Variants in ARMH4 observed in about 807,000 individuals in gnomAD.
The protein encoded by ARMH4 is armadillo like helical domain containing 4, also known as armadillo-like helical domain-containing protein 4.
Under a neutral mutation model 61.9 loss-of-function variants are expected in ARMH4, and 49 were observed. The ratio of observed to expected loss-of-function variants is 0.79; its 90% confidence interval spans 0.63 to 1.00. The LOEUF is 1.00. ARMH4 is among the 50% of genes least tolerant of loss of function. The pLI is 0.00. For synonymous variants in ARMH4, 368 were observed against 341.5 expected (o/e 1.08, Z -0.85); for missense variants, 934 against 930.0 (o/e 1.00, Z -0.06).
intron 5 of ARMH4, among the ~76,000 whole-genome samples, chr14:58,018,016 A>G (rs1882678286): frequency 1.3e-5 from 2 of 152,224 alleles, no homozygotes; most frequent in Non-Finnish European, 2.9e-5. Context: ...AAGAACACAC[A>G]ATGGGGAAAG....
chr14:58,111,728 C>T (rs1249846451), intron 4 of ARMH4, among the ~76,000 whole-genome samples: 1 of 151,846 alleles, frequency 6.6e-6, no homozygotes, highest in East Asian at 1.9e-4. Flanking sequence ...AGTCTGTCAC[C>T]CAGACTGAAG....
At chr14:58,063,602 C>A (rs1448891253) in intron 5 of ARMH4, among the ~76,000 whole-genome samples, 2 of 24,896 alleles carry the variant, frequency 8.0e-5, no homozygotes, top group Non-Finnish European at 1.3e-4. Context: ...CAAGGCACTA[C>A]AGAAACTACA....
intron 5 of ARMH4, among the ~76,000 whole-genome samples, chr14:58,091,380 A>T (rs1015174357): frequency 1.3e-4 from 20 of 152,194 alleles, no homozygotes; most frequent in Non-Finnish European, 2.9e-4. Flanking sequence ...AAAATGGGAA[A>T]AACTTGTGTC....
rs61748937 is a variant in ARMH4 at position 58,138,438 on chromosome 14, G to A, written c.921C>T (p.Ala307=). The change falls in exon 2 of 8, where the codon GCC becomes GCT. Residue 307 remains alanine, a synonymous_variant. Transcript: ENST00000267485. ...TVSVSTAVPA[A]SALSDEWDDT... is the part of the protein sequence containing the mutation. The stretch of plus-strand genomic sequence containing the variant: ...CATCCCACTCATCACTTAAGGCAGA[G>A]GCAGCTGGAACAGCTGTGCTGACAC... 0.013 allele frequency: 21,354 copies of A among 1,614,246 alleles called. 187 individuals are homozygous for A. Among genetic ancestry groups the A allele is most frequent in the Non-Finnish European group, 0.016 (19,233 of 1,180,054 alleles).
intron 5 of ARMH4, among the ~76,000 whole-genome samples, chr14:58,025,039 C>CA (rs1882976776): frequency 6.6e-6 from 1 of 152,106 alleles, no homozygotes; most frequent in Non-Finnish European, 1.5e-5. Context: ...CACAGGGACA[C>CA]AGAGTGATCC....
At chr14:58,101,824 G>A (rs770962241) in intron 4 of ARMH4, among the ~76,000 whole-genome samples, 2 of 152,102 alleles carry the variant, frequency 1.3e-5, no homozygotes, top group Non-Finnish European at 2.9e-5. Flanking sequence ...GGAGAGGAGG[G>A]CAGGTGATGA....
At position 58,049,196 on chromosome 14, in the gene ARMH4, A is replaced by C. The variant is rs962162925; in HGVS notation, c.2090-37046T>G. Among the ~76,000 whole-genome samples, 4 of 150,446 alleles carry C rather than the reference A, an allele frequency of 2.7e-5. No homozygotes were observed. In the Admixed American group the frequency reaches 2.7e-4, roughly 10 times the overall value. On this transcript the variant is annotated intron_variant, in intron 5 of 7. Transcript: ENST00000267485. ...GGAGCTTGCAGTGAGCCGAGATGGC[A>C]CCACTGCACTCCAGCTGGGGCAACA...
At chr14:58,098,679 C>T (rs10148533) in intron 4 of ARMH4, among the ~76,000 whole-genome samples, 76,070 of 151,966 alleles carry the variant, frequency 0.5, 19,242 homozygotes, top group African/African-American at 0.52. Context: ...GGTGTGGCCT[C>T]GCTGTGTTCA....
chr14:58,127,641 A>G (rs1204062702), intron 4 of ARMH4, among the ~76,000 whole-genome samples: 1 of 152,222 alleles, frequency 6.6e-6, no homozygotes, highest in Non-Finnish European at 1.5e-5. Flanking sequence ...AATAAGACCA[A>G]TCGGATCAAG....
chr14:58,116,063 GA>G (rs1341901807), intron 4 of ARMH4: 2 of 152,082 alleles, frequency 1.3e-5, no homozygotes, highest in Non-Finnish European at 2.9e-5. Context: ...CCTAAAAGTT[GA>G]AAGAAAAAAA....
intron 2 of ARMH4, among the ~76,000 whole-genome samples, chr14:58,135,297 G>C (rs766514679): frequency 6.6e-5 from 10 of 152,058 alleles, no homozygotes; most frequent in Non-Finnish European, 1.3e-4. Context: ...AATCCCTAGA[G>C]AGCCAGGATT....
chr14:58,093,205 T>A (rs926401549), intron 5 of ARMH4, among the ~76,000 whole-genome samples: 1 of 152,036 alleles, frequency 6.6e-6, no homozygotes, highest in African/African-American at 2.4e-5. Flanking sequence ...GAACTGTGAG[T>A]CAATTAATCC....
chr14:58,081,549 G>A (rs1258719058), intron 5 of ARMH4, among the ~76,000 whole-genome samples: 1 of 150,864 alleles, frequency 6.6e-6, no homozygotes, highest in African/African-American at 2.4e-5. Context: ...CACCTGGGCT[G>A]GAGTGCAGTG....
chr14:58,133,900 A>G (rs1405436490), intron 2 of ARMH4, among the ~76,000 whole-genome samples: 1 of 152,202 alleles, frequency 6.6e-6, no homozygotes. Flanking sequence ...GGAGATAGGT[A>G]CTAATATCAT....
chr14:58,119,099 T>A (rs1301768739), intron 4 of ARMH4, among the ~76,000 whole-genome samples: 1 of 152,230 alleles, frequency 6.6e-6, no homozygotes, highest in Non-Finnish European at 1.5e-5. Flanking sequence ...CCCTGGTAAA[T>A]GAGGGCAAAA....
intron 5 of ARMH4, among the ~76,000 whole-genome samples, chr14:58,024,041 G>A (rs1212054746): frequency 6.6e-6 from 1 of 152,120 alleles, no homozygotes; most frequent in Non-Finnish European, 1.5e-5. Flanking sequence ...AATTCTTAAG[G>A]GCCCTAGGAT....
At chr14:58,038,207 G>C (rs1438976597) in intron 5 of ARMH4, among the ~76,000 whole-genome samples, 1 of 57,478 alleles carries the variant, frequency 1.7e-5, no homozygotes, top group Non-Finnish European at 3.6e-5. Context: ...ATACACCATG[G>C]AATACTATGC....
At chr14:58,054,916 A>G (rs1884286855) in intron 5 of ARMH4, among the ~76,000 whole-genome samples, 1 of 149,460 alleles carries the variant, frequency 6.7e-6, no homozygotes, top group African/African-American at 2.4e-5. Context: ...ATAATGTTCC[A>G]TACCTCACCA....
Position 58,117,948 on chromosome 14 carries a change from C to T in ARMH4, c.1831+13564G>A, listed in dbSNP as rs1348451432. ...TAATTAAAAAAAAAAAAAATTTATACAGGTGGAGTCTCACTATGTTTCCCA... is the reference window on the plus strand; with the variant it reads ...TAATTAAAAAAAAAAAAAATTTATATAGGTGGAGTCTCACTATGTTTCCCA... On this transcript the variant is annotated intron_variant, in intron 4 of 7. Transcript: ENST00000267485. Among the ~76,000 whole-genome samples the T allele has an allele frequency of 2.0e-5, 3 of 151,524 alleles. No individual in the cohort carries two copies. The South Asian group carries it at 6.2e-4, about 31-fold the overall frequency.
Sources: allele counts gnomAD v4.1 joint callset (sites outside exome capture counted in the v4.1 genomes callset), GRCh38; gene constraint gnomAD v4.1.1; transcripts MANE v1.5; gene names NCBI Gene and HGNC (gene_info 2026-07-23, HGNC 2026-07-21).